The following HS3ST5 variants were observed in gnomAD, a reference collection of about 807,000 sequenced individuals.
HS3ST5 encodes the protein heparan sulfate glucosamine 3-O-sulfotransferase 5.
A neutral mutation model predicts 25.4 loss-of-function variants in HS3ST5; 10 were observed. The observed-to-expected ratio is 0.39, with a 90% CI of 0.24 to 0.67. HS3ST5 has a LOEUF of 0.67. Ranked by LOEUF, HS3ST5 falls within the 30% of genes least tolerant of loss-of-function variation. The probability of loss-of-function intolerance (pLI) is 0.44; values close to 1 mark genes in which losing one functional copy is unlikely to be tolerated. For missense variants in HS3ST5, 324 were observed against 420.7 expected (o/e 0.77, Z 2.01); for synonymous variants, 170 against 162.4 (o/e 1.05, Z -0.36).
At chr6:114,330,908 G>A (rs148539117) in intron 1 of HS3ST5, among the ~76,000 whole-genome samples, 13 of 152,276 alleles carry the variant, frequency 8.5e-5, no homozygotes, top group African/African-American at 2.4e-4. Context: ...AAGGCAGCAA[G>A]CACCACATTA....
chr6:114,153,825 A>C (rs9481425), intron 3 of HS3ST5, among the ~76,000 whole-genome samples: 50,982 of 152,108 alleles, frequency 0.34, 9,322 homozygotes, highest in East Asian at 0.6. Flanking sequence ...ACAATCCTGC[A>C]GGCTGGGCAT....
At chr6:114,306,238 CATATAT>C (rs757321554) in intron 1 of HS3ST5, among the ~76,000 whole-genome samples, 1 of 111,524 alleles carries the variant, frequency 9.0e-6, no homozygotes, top group Non-Finnish European at 2.0e-5. Flanking sequence ...ATGAAATATA[CATATAT>C]ATATATATAT....
At chr6:114,112,176 A>G (rs1204133504) in intron 3 of HS3ST5, among the ~76,000 whole-genome samples, 1 of 152,232 alleles carries the variant, frequency 6.6e-6, no homozygotes, top group East Asian at 1.9e-4. Flanking sequence ...GTCAGATTAT[A>G]TGGCGAAGGG....
intron 1 of HS3ST5, among the ~76,000 whole-genome samples, chr6:114,262,286 G>T (rs537686243): frequency 3.9e-5 from 6 of 152,120 alleles, no homozygotes; most frequent in Non-Finnish European, 7.4e-5. Flanking sequence ...GGTGGCTCAC[G>T]CCTGCAATCC....
intron 1 of HS3ST5, among the ~76,000 whole-genome samples, chr6:114,330,198 T>C (rs1562277966): frequency 6.6e-6 from 1 of 152,134 alleles, no homozygotes; most frequent in Non-Finnish European, 1.5e-5. Flanking sequence ...ATAGACACCT[T>C]TAAAAAGTAG....
intron 3 of HS3ST5, among the ~76,000 whole-genome samples, chr6:114,086,717 T>G (rs1774854952): frequency 6.6e-6 from 1 of 152,228 alleles, no homozygotes; most frequent in African/African-American, 2.4e-5. Flanking sequence ...CACCTGTAGC[T>G]TTAAGAAAAA....
At chr6:114,219,260 C>T (rs370856993) in intron 2 of HS3ST5, among the ~76,000 whole-genome samples, 18 of 152,072 alleles carry the variant, frequency 1.2e-4, no homozygotes, top group East Asian at 1.9e-4. Flanking sequence ...GAAAAAACAA[C>T]GAAAGGCAAA....
chr6:114,151,299 TG>T (rs1778441578), intron 3 of HS3ST5, among the ~76,000 whole-genome samples: 2 of 152,234 alleles, frequency 1.3e-5, no homozygotes, highest in African/African-American at 4.8e-5. Context: ...TGATCTTTGT[TG>T]CTAAGATGTT....
At chr6:114,283,220 A>G (rs1774198260) in intron 1 of HS3ST5, among the ~76,000 whole-genome samples, 1 of 151,914 alleles carries the variant, frequency 6.6e-6, no homozygotes, top group Non-Finnish European at 1.5e-5. Flanking sequence ...CATTTGCTTA[A>G]AATACCAACC....
intron 3 of HS3ST5, among the ~76,000 whole-genome samples, chr6:114,104,834 G>A (rs1241643701): frequency 6.6e-6 from 1 of 152,182 alleles, no homozygotes; most frequent in African/African-American, 2.4e-5. Context: ...TTCAGGCTCA[G>A]TGAACACCCA....
chr6:114,115,953 C>CTA (rs1336361642), intron 3 of HS3ST5, among the ~76,000 whole-genome samples: 1 of 151,890 alleles, frequency 6.6e-6, no homozygotes, highest in Non-Finnish European at 1.5e-5. Flanking sequence ...TGAACTGGCC[C>CTA]TATAATTCTC....
chr6:114,311,039 T>G (rs1001052105), intron 1 of HS3ST5, among the ~76,000 whole-genome samples: 4 of 152,152 alleles, frequency 2.6e-5, no homozygotes, highest in Non-Finnish European at 5.9e-5. Context: ...ACTACCAATT[T>G]TATTCATTGA....
chr6:114,274,000 T>C (rs1773743977), intron 1 of HS3ST5, among the ~76,000 whole-genome samples: 1 of 151,926 alleles, frequency 6.6e-6, no homozygotes, highest in Non-Finnish European at 1.5e-5. Context: ...AAAGATCTAG[T>C]AGAGAGGGAC....
chr6:114,117,362 C>G (rs1776582449), intron 3 of HS3ST5, among the ~76,000 whole-genome samples: 1 of 152,080 alleles, frequency 6.6e-6, no homozygotes, highest in Non-Finnish European at 1.5e-5. Context: ...AAATATTTCT[C>G]CACGCAAAAT....
intron 1 of HS3ST5, among the ~76,000 whole-genome samples, chr6:114,323,507 G>C (rs1776049119): frequency 6.6e-6 from 1 of 152,080 alleles, no homozygotes; most frequent in Admixed American, 6.6e-5. Context: ...GAATCAGAAA[G>C]ATAAGGAGTT....
chr6:114,225,743 G>A (rs1029547434), intron 2 of HS3ST5, among the ~76,000 whole-genome samples: 1 of 151,940 alleles, frequency 6.6e-6, no homozygotes, highest in Admixed American at 6.6e-5. Context: ...CAGGATAGCT[G>A]TATCAGGGAA....
intron 3 of HS3ST5, among the ~76,000 whole-genome samples, chr6:114,127,875 CTT>C (rs199845841): frequency 0.068 from 10,136 of 148,864 alleles, 397 homozygotes; most frequent in Non-Finnish European, 0.081. Context: ...GAGAGAGAGA[CTT>C]ATATATAGAG....
chr6:114,135,860 C>G (rs748960111), intron 3 of HS3ST5, among the ~76,000 whole-genome samples: 1 of 152,198 alleles, frequency 6.6e-6, no homozygotes, highest in Non-Finnish European at 1.5e-5. Flanking sequence ...AGTGAGGACT[C>G]CTACTCCCCT....
intron 3 of HS3ST5, among the ~76,000 whole-genome samples, chr6:114,105,912 G>A (rs551204455): frequency 6.6e-6 from 1 of 152,220 alleles, no homozygotes; most frequent in Admixed American, 6.5e-5. Context: ...TTATGAAATA[G>A]ATTGCACACA....
Sources: gnomAD v4.1 joint callset for allele counts (sites outside exome capture counted in the v4.1 genomes callset) on GRCh38, gnomAD v4.1.1 for gene constraint, MANE v1.5 for transcripts, NCBI Gene and HGNC (gene_info 2026-07-23, HGNC 2026-07-21) for gene names.